The following FAAH2 variants were observed in gnomAD, a reference collection of about 807,000 sequenced individuals.
FAAH2 encodes the protein fatty acid amide hydrolase 2, also known as fatty-acid amide hydrolase 2.
Under a neutral mutation model 36.9 loss-of-function variants are expected in FAAH2, and 60 were observed. That is an observed-to-expected ratio of 1.63 (90% CI 1.32 to 2.02). FAAH2 has a LOEUF of 2.02. Among genes scored for constraint, FAAH2 ranks in the 30% most tolerant of loss-of-function variants. FAAH2 has a pLI of 0.00. For missense variants in FAAH2, 689 were observed against 397.5 expected, an observed-to-expected ratio of 1.73 and a Z score of -6.23; for synonymous variants, 214 against 143.8, an observed-to-expected ratio of 1.49 and a Z score of -3.49.
chrX:57,435,970 C>A (rs1025983134), intron 8 of FAAH2, among the ~76,000 whole-genome samples: 1 of 110,834 alleles, frequency 9.0e-6, no homozygotes, highest in African/African-American at 3.3e-5. Flanking sequence ...TTTTAGGCCA[C>A]AAAACAAGTC....
the FAAH2 span, among the ~76,000 whole-genome samples, chrX:57,132,755 C>T: frequency 1.2e-4 from 13 of 112,610 alleles, no homozygotes; most frequent in Admixed American, 6.5e-4. Context: ...AACCTTGTCT[C>T]CCCTCCATTA....
In FAAH2 at chrX:57,431,902, A is replaced by G. The variant is rs779494719; in HGVS notation, c.997-16A>G. On this transcript the variant is annotated splice_polypyrimidine_tract_variant and intron_variant, in intron 7 of 10. Coordinates refer to ENST00000374900, the MANE Select transcript of FAAH2 (RefSeq NM_174912.4). ...TCTCATCATGTTTGTCTGTTTTTATATCTTTCTTTTATAAGGTTGTGGTTC... is the reference window on the plus strand; with the variant it reads ...TCTCATCATGTTTGTCTGTTTTTATGTCTTTCTTTTATAAGGTTGTGGTTC... The G allele has an allele frequency of 3.4e-6, 4 of 1,165,662 alleles. No individual in the cohort carries two copies. The highest frequency in any genetic ancestry group is 3.7e-5 in the African/African-American group (2 of 53,459).
At chrX:57,213,877 T>A in the FAAH2 span, among the ~76,000 whole-genome samples, 1 of 111,951 alleles carries the variant, frequency 8.9e-6, no homozygotes, top group African/African-American at 3.2e-5. Context: ...TCAGTGTTCC[T>A]TTATTTTTCT....
chrX:57,321,670 C>A (rs1267828992), intron 3 of FAAH2, among the ~76,000 whole-genome samples: 1 of 110,535 alleles, frequency 9.0e-6, no homozygotes, highest in African/African-American at 3.3e-5. Flanking sequence ...GTGTTGAAGA[C>A]AACATAACAA....
rs746529357 is a variant in FAAH2, at chrX:57,331,565, A to C, written c.413-33A>C. ...AGAAAACAACTATTTTTATTTAATAATTTTTAAACATTCTTTTCTGTGACT... is the reference window on the plus strand; with the variant it reads ...AGAAAACAACTATTTTTATTTAATACTTTTTAAACATTCTTTTCTGTGACT... On this transcript the variant is annotated intron_variant, in intron 3 of 10. Coordinates refer to ENST00000374900, the MANE Select transcript of FAAH2 (RefSeq NM_174912.4). 5 of 1,149,858 alleles carry C rather than the reference A, an allele frequency of 4.3e-6. No homozygotes were observed. The South Asian group carries it at 9.6e-5, about 22-fold the overall frequency. 94.8% of individuals were successfully genotyped at this position (1,149,858 alleles called of 1,213,427 possible).
chrX:57,424,994 T>C (rs1602619346), intron 7 of FAAH2, among the ~76,000 whole-genome samples: 2 of 110,083 alleles, frequency 1.8e-5, no homozygotes, highest in African/African-American at 3.3e-5. Flanking sequence ...AAAAAATCAA[T>C]TAAGGATATA....
the FAAH2 span, among the ~76,000 whole-genome samples, chrX:57,216,585 T>TAC: frequency 2.3e-4 from 7 of 30,099 alleles, no homozygotes; most frequent in African/African-American, 1.5e-3. Context: ...TATATATGTA[T>TAC]ATGTATATAT....
At chrX:57,463,943 C>T (rs912067198) in intron 10 of FAAH2, among the ~76,000 whole-genome samples, 1 of 110,718 alleles carries the variant, frequency 9.0e-6, no homozygotes, top group Non-Finnish European at 1.9e-5. Context: ...ACTATAAAGA[C>T]AGATCCACAC....
chrX:57,396,814 C>T (rs760971576), intron 7 of FAAH2, among the ~76,000 whole-genome samples: 13 of 111,991 alleles, frequency 1.2e-4, no homozygotes, highest in Non-Finnish European at 1.9e-4. Flanking sequence ...CTGTCATTTA[C>T]ATAACATTGT....
In FAAH2 at chrX:57,448,519, T is replaced by G; in HGVS notation, c.1229-5T>G. On this transcript the variant is annotated splice_polypyrimidine_tract_variant and splice_region_variant and intron_variant, in intron 9 of 10. Coordinates refer to ENST00000374900, the MANE Select transcript of FAAH2 (RefSeq NM_174912.4). ...CTTAACTTGATATATGATATCATTC[T>G]GTAGGACTGGCTTTGTTGGAAGAAA... 2 of 1,206,045 alleles carry G rather than the reference T, an allele frequency of 1.7e-6. No homozygotes were observed. Among genetic ancestry groups the G allele is most frequent in the Non-Finnish European group, 2.2e-6 (2 of 891,740 alleles).
At chrX:57,254,063 T>G in the FAAH2 span, among the ~76,000 whole-genome samples, 5 of 109,430 alleles carry the variant, frequency 4.6e-5, no homozygotes, top group South Asian at 2.0e-3. Flanking sequence ...AAGACACACA[T>G]AGGCTCAAAA....
chrX:57,183,656 G>A, the FAAH2 span, among the ~76,000 whole-genome samples: 1 of 111,414 alleles, frequency 9.0e-6, no homozygotes, highest in Non-Finnish European at 1.9e-5. Context: ...CATAAGCTGA[G>A]GATGTACATC....
At chrX:57,307,406 G>A (rs2052573153) in intron 2 of FAAH2, among the ~76,000 whole-genome samples, 1 of 110,434 alleles carries the variant, frequency 9.1e-6, no homozygotes, top group Non-Finnish European at 1.9e-5. Context: ...AGTTTTCGAA[G>A]GAGATACAGT....
At chrX:57,184,764 C>T in the FAAH2 span, among the ~76,000 whole-genome samples, 37,546 of 110,768 alleles carry the variant, frequency 0.34, 5,207 homozygotes, top group Middle Eastern at 0.62. Flanking sequence ...GTATATAACA[C>T]TTGAAGAAAA....
the FAAH2 span, among the ~76,000 whole-genome samples, chrX:57,266,396 G>A: frequency 1.8e-5 from 2 of 111,916 alleles, no homozygotes; most frequent in Admixed American, 9.4e-5. Context: ...TGCTACATGA[G>A]TGCCCATTCC....
At chrX:57,431,644 G>A (rs923197828) in intron 7 of FAAH2, among the ~76,000 whole-genome samples, 2 of 111,195 alleles carry the variant, frequency 1.8e-5, no homozygotes, top group Admixed American at 1.9e-4. Flanking sequence ...ACAAGGGCAA[G>A]CAGAAATGAC....
chrX:57,311,203 C>A (rs1198374911), intron 3 of FAAH2, among the ~76,000 whole-genome samples: 1 of 111,695 alleles, frequency 9.0e-6, no homozygotes, highest in Admixed American at 9.5e-5. Context: ...AGAAATAAAT[C>A]ACAAGGAAAT....
the FAAH2 span, among the ~76,000 whole-genome samples, chrX:57,258,453 C>G: frequency 2.4e-4 from 27 of 110,470 alleles, no homozygotes; most frequent in Non-Finnish European, 3.8e-4. Context: ...GGGACTATAT[C>G]AATCAAAAAA....
At chrX:57,144,460 C>T in the FAAH2 span, among the ~76,000 whole-genome samples, 165 of 106,810 alleles carry the variant, frequency 1.5e-3, no homozygotes, top group Middle Eastern at 4.7e-3. Context: ...TTTTTTTTCC[C>T]CTACTTGAGG....
Sources: allele counts gnomAD v4.1 joint callset (sites outside exome capture counted in the v4.1 genomes callset), GRCh38; gene constraint gnomAD v4.1.1; transcripts MANE v1.5; gene names NCBI Gene and HGNC (gene_info 2026-07-23, HGNC 2026-07-21).